The following FAT1 variants were observed in gnomAD, a reference collection of about 807,000 sequenced individuals.
FAT1 encodes protocadherin Fat 1.
In FAT1, 171 loss-of-function variants were observed where a neutral mutation model predicts 329.8. That is an observed-to-expected ratio of 0.52 (90% CI 0.46 to 0.59). FAT1 has a LOEUF of 0.59. Ranked by LOEUF, FAT1 falls within the 20% of genes least tolerant of loss-of-function variation. The probability of loss-of-function intolerance (pLI) is 0.00; values close to 1 mark genes in which losing one functional copy is unlikely to be tolerated. For missense variants in FAT1, 5,672 were observed against 5,774.4 expected, an observed-to-expected ratio of 0.98 and a Z score of 0.57; for synonymous variants, 2,233 against 2,228.6, an observed-to-expected ratio of 1.00 and a Z score of -0.06.
At chr4:186,713,448 C>T (rs965919775) in intron 1 of FAT1, among the ~76,000 whole-genome samples, 3 of 151,158 alleles carry the variant, frequency 2.0e-5, no homozygotes, top group Admixed American at 6.6e-5. Flanking sequence ...CACGATTTAT[C>T]GATGTTGACG....
chr4:186,641,869 T>C (rs982134741), intron 3 of FAT1, among the ~76,000 whole-genome samples: 32 of 151,986 alleles, frequency 2.1e-4, no homozygotes, highest in African/African-American at 7.3e-4. Context: ...TTAGCTGACA[T>C]GGTGGCACAC....
At chr4:186,650,713 A>G (rs2126593714) in intron 3 of FAT1, among the ~76,000 whole-genome samples, 1 of 152,354 alleles carries the variant, frequency 6.6e-6, no homozygotes, top group African/African-American at 2.4e-5. Flanking sequence ...GCCTAATACC[A>G]GGAAAAATGA....
Position 186,601,316 on chromosome 4 carries a change from G to A in FAT1, c.11593C>T (p.His3865Tyr). ...CCTCGAGCATACATGACAACCGCAT[G>A]CGTGGAATATGTTCTGAGCCTCATG... ...LTMRLRTYST[H>Y]AVVMYARGTD... The change falls in exon 21 of 27, where the codon CAT (histidine) becomes TAT (tyrosine). Residue 3865 changes from histidine (H) to tyrosine (Y), a missense_variant. This residue lies in a region of FAT1 where 1,706 missense variants were observed against 1,859.1 expected (regional missense o/e 0.92). Transcript: ENST00000441802. 2 of 1,611,934 alleles carry A rather than the reference G, an allele frequency of 1.2e-6. No homozygotes were observed. Among genetic ancestry groups the A allele is most frequent in the Non-Finnish European group, 8.5e-7 (1 of 1,178,318 alleles).
At position 186,628,304 on chromosome 4, in the gene FAT1, C is replaced by G. The variant is rs748147223; in HGVS notation, c.4660G>C (p.Asp1554His). The change falls in exon 9 of 27, where the codon GAC becomes CAC. Residue 1554 changes from aspartate to histidine, a missense_variant. Physicochemically the swap from Asp to His is moderately conservative, Grantham distance 81. This residue lies in a region of FAT1 where 3,966 missense variants were observed against 3,915.2 expected (regional missense o/e 1.01). Transcript: ENST00000441802. ...AACCACGGGGCGTGGTCATTCGTGT[C>G]GCTGACATTGACCACAATCCTTGCA... ...NFARIVVNVS[D>H]TNDHAPWFTA... 1 of 1,613,590 alleles carries G rather than the reference C, an allele frequency of 6.2e-7. No homozygotes were observed. Among genetic ancestry groups the G allele is most frequent in the Non-Finnish European group, 8.5e-7 (1 of 1,179,744 alleles).
intron 7 of FAT1, among the ~76,000 whole-genome samples, chr4:186,631,486 C>T (rs1485753355): frequency 1.3e-5 from 2 of 151,116 alleles, no homozygotes; most frequent in African/African-American, 4.9e-5. Context: ...CCCATGGTAT[C>T]GTAGTGTCTC....
chr4:186,704,494 CAA>C (rs1417420334), intron 2 of FAT1, among the ~76,000 whole-genome samples: 3 of 152,164 alleles, frequency 2.0e-5, no homozygotes, highest in Admixed American at 2.0e-4. Flanking sequence ...AGTGTTCATA[CAA>C]AGTCATGAAG....
intron 2 of FAT1, among the ~76,000 whole-genome samples, chr4:186,681,816 A>G (rs1180045492): frequency 6.6e-6 from 1 of 152,254 alleles, no homozygotes; most frequent in Non-Finnish European, 1.5e-5. Context: ...CAAACATGAA[A>G]GGACAATAAA....
At position 186,618,981 on chromosome 4, in the gene FAT1, A is replaced by G. The variant is rs1739874743; in HGVS notation, c.7605T>C (p.Phe2535=). 4 of 1,613,920 alleles carry G rather than the reference A, an allele frequency of 2.5e-6. No individual in the cohort carries two copies. The South Asian group carries it at 4.4e-5, about 18-fold the overall frequency. The change falls in exon 10 of 27, where the codon TTT becomes TTC. Residue 2535 remains phenylalanine (F), a synonymous_variant. Transcript: ENST00000441802. ...GHVTYHIVND[F]AKDRFYINER... ...CATTTATGTAAAATCTGTCTTTGGC[A>G]AAGTCATTTACAATATGGTAAGTAA...
At chr4:186,676,013 T>C (rs577886176) in intron 2 of FAT1, among the ~76,000 whole-genome samples, 112 of 152,110 alleles carry the variant, frequency 7.4e-4, no homozygotes, top group African/African-American at 2.6e-3. Flanking sequence ...AAGAGCAAAA[T>C]GAGGTCCTAT....
At position 186,603,843 on chromosome 4, in the gene FAT1, A is replaced by G. The variant is rs758010981; in HGVS notation, c.10683T>C (p.Gly3561=). 1 of 1,613,928 alleles carries G rather than the reference A, an allele frequency of 6.2e-7. No homozygotes were observed. Among genetic ancestry groups the G allele is most frequent in the Non-Finnish European group, 8.5e-7 (1 of 1,179,886 alleles). ...TGGCATGGATCTTCCCAATGACGCC[A>G]CCTGAGTATTCTTCTCCAGAAGAGG... ...FITSSGEEYS[G]GVIGKIHATD... Residue 3561 remains glycine (G), a synonymous_variant, in exon 19 of 27, where the codon GGT becomes GGC. Coordinates refer to ENST00000441802, the MANE Select transcript of FAT1 (RefSeq NM_005245.4).
intron 7 of FAT1, among the ~76,000 whole-genome samples, chr4:186,629,175 A>T (rs1357872967): frequency 6.6e-6 from 1 of 152,214 alleles, no homozygotes; most frequent in African/African-American, 2.4e-5. Context: ...CAACCCACTG[A>T]GGTAAGACAG....
At chr4:186,615,063 GA>G (rs1267155728) in intron 11 of FAT1, among the ~76,000 whole-genome samples, 2 of 152,018 alleles carry the variant, frequency 1.3e-5, no homozygotes, top group East Asian at 3.9e-4. Context: ...AGTACTCACG[GA>G]AAAGTACTCC....
Position 186,636,575 on chromosome 4 carries a change from C to T in FAT1, c.3972+10G>A, listed in dbSNP as rs2126562408. The T allele has an allele frequency of 1.9e-6, 3 of 1,594,734 alleles. No homozygotes were observed. Among genetic ancestry groups the T allele is most frequent in the Non-Finnish European group, 2.6e-6 (3 of 1,171,062 alleles). On this transcript the variant is annotated intron_variant, in intron 5 of 26. Transcript: ENST00000441802. Reference sequence around the variant, plus strand: ...ATATGAAAAATTACAGTACTACAATCTTAACTCACTGAAAGAATATCATAT... The same window carrying T: ...ATATGAAAAATTACAGTACTACAATTTTAACTCACTGAAAGAATATCATAT...
upstream of FAT1, among the ~76,000 whole-genome samples, chr4:186,724,560 G>T (rs949603582): frequency 2.0e-5 from 3 of 152,178 alleles, no homozygotes; most frequent in African/African-American, 7.2e-5. The surrounding 1 kb of genome is among the most constrained non-coding windows in gnomAD (Gnocchi z 5.3). Flanking sequence ...GTCGGCCCCA[G>T]GGGCCCCAAA....
chr4:186,588,774 C>T lies in FAT1; in HGVS notation c.13585G>A (p.Ala4529Thr), dbSNP rs1398903205. ...YPPGYQRHFE[A>T]PAVESMPMSV... ...ATGGGCATGCTCTCGACAGCGGGCG[C>T]CTCGAAGTGTCTTTGATACCCTGGC... is the stretch of plus-strand genomic sequence containing the variant. The change falls in exon 27 of 27, where the codon GCG (alanine) becomes ACG (threonine). Residue 4529 changes from alanine (A) to threonine (T), a missense_variant. Transcript: ENST00000441802. 6.2e-7 allele frequency: 1 copy of T among 1,613,982 alleles called. No individual in the cohort carries two copies. The highest frequency in any genetic ancestry group is 1.7e-5 in the Admixed American group (1 of 60,026).
At chr4:186,665,909 C>T (rs1163572330) in intron 2 of FAT1, among the ~76,000 whole-genome samples, 1 of 151,744 alleles carries the variant, frequency 6.6e-6, no homozygotes, top group East Asian at 1.9e-4. Context: ...AGCTGGAAAC[C>T]ATCGTTCTCA....
At chr4:186,609,366 C>T in intron 15 of FAT1, 46 bp from the exon 16 acceptor site, 1 of 1,572,022 alleles carries the variant, frequency 6.4e-7, no homozygotes, top group Non-Finnish European at 8.6e-7. Context: ...AAGAAGAGGC[C>T]TAAACCTATT....
At chr4:186,649,446 C>A (rs1741529797) in intron 3 of FAT1, among the ~76,000 whole-genome samples, 1 of 152,184 alleles carries the variant, frequency 6.6e-6, no homozygotes. Context: ...GGATAAGCAT[C>A]CCTGAAGATG....
In FAT1 at chr4:186,609,920, C is replaced by T. The variant is rs199989457; in HGVS notation, c.9949G>A (p.Asp3317Asn). Residue 3317 changes from aspartate (D) to asparagine (N), a missense_variant, in exon 15 of 27, where the codon GAC becomes AAC. Transcript: ENST00000441802. ...ATDGGTPSLS[D>N]VATVNVNVTD... ...ACATTAACGTTCACAGTGGCAACGT[C>T]GCTCAGTGAAGGCGTGCCTCCATCA... is the stretch of plus-strand genomic sequence containing the variant. 917 of 1,612,778 alleles carry T rather than the reference C, an allele frequency of 5.7e-4. 2 individuals carry two copies. The highest frequency in any genetic ancestry group is 2.6e-3 in the South Asian group (236 of 91,048).
Sources: gnomAD v4.1 joint callset for allele counts (sites outside exome capture counted in the v4.1 genomes callset) on GRCh38, gnomAD v4.1.1 for gene constraint, gnomAD v4.1.1 regional missense constraint, Gnocchi (gnomAD v3.1) non-coding constraint, MANE v1.5 for transcripts, NCBI Gene and HGNC (gene_info 2026-07-23, HGNC 2026-07-21) for gene names.